The following GRM8 variants were observed in gnomAD, a reference collection of about 807,000 sequenced individuals.
GRM8 encodes the protein metabotropic glutamate receptor 8.
Under a neutral mutation model 87.2 loss-of-function variants are expected in GRM8, and 47 were observed. The observed-to-expected ratio is 0.54, with a 90% CI of 0.43 to 0.69. GRM8 has a LOEUF of 0.69. Ranked by LOEUF, GRM8 falls within the 30% of genes least tolerant of loss-of-function variation. The pLI is 0.00. For missense variants in GRM8, 1,019 were observed against 1,139.2 expected, an observed-to-expected ratio of 0.89 and a Z score of 1.52; for synonymous variants, 396 against 404.5, an observed-to-expected ratio of 0.98 and a Z score of 0.25.
At position 126,748,294 on chromosome 7, in the gene GRM8, G is replaced by A. The variant is rs140848820; in HGVS notation, c.1357+21571C>T. 1.7e-3 allele frequency among the ~76,000 whole-genome samples: 254 copies of A among 152,150 alleles called. 1 individual carries two copies. In the East Asian group the frequency reaches 0.039, roughly 23 times the overall value. ...TACCAAAAAGCAGCTGAAAAAATAT[G>A]AGTTAATAAAGATTGCTGGACACAA... On this transcript the variant is annotated intron_variant, in intron 7 of 10. Transcript: ENST00000339582.
intron 3 of GRM8, among the ~76,000 whole-genome samples, chr7:126,942,450 C>A (rs1807061916): frequency 6.6e-6 from 1 of 152,144 alleles, no homozygotes; most frequent in South Asian, 2.1e-4. Context: ...GCACTCATTA[C>A]CTGACAAGGA....
intron 7 of GRM8, among the ~76,000 whole-genome samples, chr7:126,617,878 G>C (rs1799684127): frequency 6.6e-6 from 1 of 152,084 alleles, no homozygotes; most frequent in African/African-American, 2.4e-5. Flanking sequence ...AAATAAAAGA[G>C]GATACAAACA....
chr7:126,540,622 C>T (rs1816422353), intron 8 of GRM8, among the ~76,000 whole-genome samples: 1 of 152,052 alleles, frequency 6.6e-6, no homozygotes, highest in South Asian at 2.1e-4. Context: ...TGTATTGACA[C>T]CTACTACAAA....
At chr7:127,190,493 G>A (rs1459943640) in intron 2 of GRM8, among the ~76,000 whole-genome samples, 3 of 151,866 alleles carry the variant, frequency 2.0e-5, no homozygotes, top group East Asian at 1.9e-4. Flanking sequence ...GCAGTGAGCC[G>A]GGATCGTGCC....
At chr7:127,015,242 AAGAAGAAGAAGAAGAAGAAAAGAGAG>A (rs1815515376) in intron 3 of GRM8, among the ~76,000 whole-genome samples, 8 of 131,560 alleles carry the variant, frequency 6.1e-5, no homozygotes, top group Admixed American at 4.9e-4. Flanking sequence ...GAAGAAGAAG[AAGAAGAAGAAGAAGAAGAAAAGAGAG>A]AGAGAGAGAG....
intron 7 of GRM8, among the ~76,000 whole-genome samples, chr7:126,690,982 A>T (rs1808744006): frequency 6.6e-6 from 1 of 152,176 alleles, no homozygotes; most frequent in Non-Finnish European, 1.5e-5. Context: ...CAGAAAAAGC[A>T]CGGCAAGTTC....
At chr7:127,203,465 T>C (rs1375287216) in intron 2 of GRM8, among the ~76,000 whole-genome samples, 37 of 152,166 alleles carry the variant, frequency 2.4e-4, no homozygotes, top group Admixed American at 2.4e-3. Context: ...CCCAGCACCT[T>C]GGGAGGCCAA....
At chr7:126,772,482 C>T (rs1818953494) in intron 6 of GRM8, among the ~76,000 whole-genome samples, 1 of 152,090 alleles carries the variant, frequency 6.6e-6, no homozygotes, top group Non-Finnish European at 1.5e-5. Context: ...GTCAGAATCT[C>T]CCTACTTGGG....
intron 6 of GRM8, among the ~76,000 whole-genome samples, chr7:126,835,343 T>C (rs766436637): frequency 2.6e-4 from 40 of 152,178 alleles, no homozygotes; most frequent in Non-Finnish European, 2.2e-4. Flanking sequence ...AATGCATAAT[T>C]CCTACAGGCC....
chr7:126,771,479 G>A (rs1412544144), intron 6 of GRM8, among the ~76,000 whole-genome samples: 1 of 151,428 alleles, frequency 6.6e-6, no homozygotes, highest in African/African-American at 2.4e-5. Flanking sequence ...CTCCAAGGCT[G>A]AGTTTCTTCA....
At chr7:127,070,457 T>C (rs1311730547) in intron 3 of GRM8, among the ~76,000 whole-genome samples, 1 of 152,016 alleles carries the variant, frequency 6.6e-6, no homozygotes, top group East Asian at 1.9e-4. Flanking sequence ...CTTTGAACAG[T>C]AAAAATGACA....
At chr7:127,130,094 T>G (rs1439153647) in intron 2 of GRM8, among the ~76,000 whole-genome samples, 3 of 152,172 alleles carry the variant, frequency 2.0e-5, no homozygotes, top group African/African-American at 4.8e-5. Flanking sequence ...CCTGCTGCCA[T>G]GTATGACATG....
At chr7:126,805,758 C>A (rs1265395835) in intron 6 of GRM8, among the ~76,000 whole-genome samples, 3 of 152,080 alleles carry the variant, frequency 2.0e-5, no homozygotes, top group Non-Finnish European at 2.9e-5. Flanking sequence ...TCCTACTCAC[C>A]CTCTTTGCTT....
chr7:127,095,670 A>T (rs1445762134), intron 3 of GRM8: 1 of 152,048 alleles, frequency 6.6e-6, no homozygotes, highest in Non-Finnish European at 1.5e-5. Context: ...ACTTCCTTTG[A>T]GTTTGGGGTC....
chr7:126,638,982 C>G (rs1322513669), intron 7 of GRM8, among the ~76,000 whole-genome samples: 1 of 152,210 alleles, frequency 6.6e-6, no homozygotes, highest in African/African-American at 2.4e-5. Context: ...CTGAATCTCA[C>G]CACACAATCT....
At chr7:127,072,790 G>C (rs1821846956) in intron 3 of GRM8, among the ~76,000 whole-genome samples, 1 of 152,074 alleles carries the variant, frequency 6.6e-6, no homozygotes, top group Non-Finnish European at 1.5e-5. Context: ...AAAGCTGTAG[G>C]TGTTTTTCCA....
At chr7:126,812,146 TA>T (rs1480248864) in intron 6 of GRM8, among the ~76,000 whole-genome samples, 2 of 151,944 alleles carry the variant, frequency 1.3e-5, no homozygotes, top group Non-Finnish European at 2.9e-5. Flanking sequence ...TTAAAAAAAT[TA>T]GAAAAAATAA....
At chr7:126,881,105 C>G (rs1341357553) in intron 6 of GRM8, among the ~76,000 whole-genome samples, 1 of 152,060 alleles carries the variant, frequency 6.6e-6, no homozygotes, top group Non-Finnish European at 1.5e-5. Flanking sequence ...CATATGGCCT[C>G]TGTATTAGTC....
At chr7:126,904,783 A>G in intron 3 of GRM8, 100 bp from the exon 4 acceptor site, 2 of 1,037,188 alleles carry the variant, frequency 1.9e-6, no homozygotes, top group Non-Finnish European at 2.9e-6. Context: ...CTGTATGAAT[A>G]TTATTTCTCA....
Sources: gnomAD v4.1 joint callset for allele counts (sites outside exome capture counted in the v4.1 genomes callset) on GRCh38, gnomAD v4.1.1 for gene constraint, MANE v1.5 for transcripts, NCBI Gene and HGNC (gene_info 2026-07-23, HGNC 2026-07-21) for gene names.